Variants in FMN1 observed in about 807,000 individuals in gnomAD.
FMN1 encodes the protein formin 1.
Under a neutral mutation model 132.4 loss-of-function variants are expected in FMN1, and 110 were observed. That is an observed-to-expected ratio of 0.83 (90% CI 0.71 to 0.97). The LOEUF (loss-of-function observed/expected upper bound fraction) is 0.97. Among genes scored for constraint, FMN1 ranks in the 50% least tolerant of loss-of-function variants. The pLI, the probability that FMN1 is intolerant of heterozygous loss-of-function variation, is 0.00. For missense variants in FMN1, 1,792 were observed against 1,705.3 expected, an observed-to-expected ratio of 1.05 and a Z score of -0.90; for synonymous variants, 722 against 651.7, an observed-to-expected ratio of 1.11 and a Z score of -1.64.
intron 2 of FMN1, among the ~76,000 whole-genome samples, chr15:33,181,811 C>T (rs904368240): frequency 4.7e-5 from 7 of 148,386 alleles, no homozygotes; most frequent in African/African-American, 1.7e-4. Flanking sequence ...CAGGTTAAAG[C>T]GATTCTCCTT....
intron 17 of FMN1, chr15:32,810,935 C>T (rs1237638727): frequency 1.5e-5 from 7 of 455,506 alleles, no homozygotes; most frequent in Non-Finnish European, 2.2e-5. Context: ...AATATGGGAG[C>T]CGGGTGATGC....
At chr15:32,810,101 G>T (rs1410023487) in intron 17 of FMN1, among the ~76,000 whole-genome samples, 1 of 152,020 alleles carries the variant, frequency 6.6e-6, no homozygotes, top group Non-Finnish European at 1.5e-5. Context: ...ATCTTTAGTA[G>T]AGACAGGGTT....
At chr15:33,157,748 T>C (rs957200795) in intron 3 of FMN1, among the ~76,000 whole-genome samples, 3 of 152,104 alleles carry the variant, frequency 2.0e-5, no homozygotes, top group East Asian at 1.9e-4. Context: ...TCCCAGCACG[T>C]TGGGAGGCCA....
intron 4 of FMN1, among the ~76,000 whole-genome samples, chr15:33,101,847 T>C (rs962880825): frequency 3.3e-5 from 5 of 152,138 alleles, no homozygotes; most frequent in South Asian, 2.1e-4. Context: ...TTTCACATAT[T>C]CTTCTGAATC....
rs555963082 is a variant in FMN1, at chr15:32,769,120, T to C, written c.*5190A>G. On this transcript the variant is annotated 3_prime_UTR_variant, in exon 21 of 21. Coordinates refer to ENST00000616417, the MANE Select transcript of FMN1 (RefSeq NM_001277313.2). ...TTTGCTTCCCTAATCTCTCCATTGG[T>C]AGAAATTGCATAGTGGCTTAAGAGA... 6.6e-6 allele frequency: 1 copy of C among 152,330 alleles called. No homozygotes were observed. Among genetic ancestry groups the C allele is most frequent in the African/African-American group, 2.4e-5 (1 of 41,576 alleles). The allele number at this position is 152,330 out of a possible 1,614,324, so 9.4% of individuals were successfully genotyped here. A position where few individuals can be genotyped will look rare whatever the true frequency, so the allele number is the denominator to read the frequency against.
At chr15:32,933,975 TTAAAG>T (rs1417554898) in intron 9 of FMN1, among the ~76,000 whole-genome samples, 2 of 152,200 alleles carry the variant, frequency 1.3e-5, no homozygotes, top group Non-Finnish European at 2.9e-5. Flanking sequence ...CTATTTGCAT[TTAAAG>T]TAATTACTGA....
intron 15 of FMN1, among the ~76,000 whole-genome samples, chr15:32,894,321 C>G (rs2060102145): frequency 6.6e-6 from 1 of 151,822 alleles, no homozygotes; most frequent in Admixed American, 6.6e-5. Context: ...CCCGTTTCTG[C>G]TAAAAATACA....
intron 19 of FMN1, among the ~76,000 whole-genome samples, chr15:32,797,215 T>C (rs1468615203): frequency 1.3e-5 from 2 of 152,260 alleles, no homozygotes; most frequent in African/African-American, 2.4e-5. Flanking sequence ...AGAAGATCAT[T>C]AACATATAAA....
intron 6 of FMN1, among the ~76,000 whole-genome samples, chr15:33,041,260 T>C (rs1373126931): frequency 1.3e-5 from 2 of 151,996 alleles, no homozygotes; most frequent in East Asian, 3.9e-4. Flanking sequence ...TAGAAGAGTA[T>C]TAACCAGAAA....
chr15:33,071,948 CA>C (rs544851343), intron 5 of FMN1, among the ~76,000 whole-genome samples: 4 of 152,274 alleles, frequency 2.6e-5, no homozygotes, highest in African/African-American at 9.6e-5. Context: ...ACCTATTACA[CA>C]AAACCAGCAG....
At chr15:33,055,421 C>T (rs555533034) in intron 6 of FMN1, among the ~76,000 whole-genome samples, 4 of 152,232 alleles carry the variant, frequency 2.6e-5, no homozygotes, top group East Asian at 3.9e-4. Context: ...CCCTGATCAC[C>T]GTGGGTACAT....
chr15:32,857,439 C>A (rs2059161492), intron 16 of FMN1, among the ~76,000 whole-genome samples: 1 of 152,162 alleles, frequency 6.6e-6, no homozygotes, highest in African/African-American at 2.4e-5. Flanking sequence ...GAGGCAAAAA[C>A]TACTTGAGGA....
intron 17 of FMN1, among the ~76,000 whole-genome samples, chr15:32,847,573 G>C (rs1470189275): frequency 6.6e-6 from 1 of 152,022 alleles, no homozygotes; most frequent in Non-Finnish European, 1.5e-5. Context: ...TAAGAGTTAA[G>C]GCCGGGCGTG....
intron 7 of FMN1, among the ~76,000 whole-genome samples, chr15:32,971,902 G>C (rs77603737): frequency 1.3e-5 from 2 of 152,170 alleles, no homozygotes; most frequent in South Asian, 4.1e-4. Flanking sequence ...CTCTGTCAAC[G>C]ATCTTCTAAA....
At chr15:32,817,363 T>C (rs954289493) in intron 17 of FMN1, among the ~76,000 whole-genome samples, 32 of 152,256 alleles carry the variant, frequency 2.1e-4, no homozygotes, top group Admixed American at 2.0e-3. Flanking sequence ...TTCCCTAATA[T>C]TGGCTATTGC....
At chr15:32,812,529 T>A (rs1337739372) in intron 17 of FMN1, among the ~76,000 whole-genome samples, 1 of 152,190 alleles carries the variant, frequency 6.6e-6, no homozygotes, top group Non-Finnish European at 1.5e-5. Flanking sequence ...ATTTTATTCT[T>A]CCCTCAAGGA....
At chr15:33,027,162 A>G (rs1411219646) in intron 6 of FMN1, among the ~76,000 whole-genome samples, 1 of 152,196 alleles carries the variant, frequency 6.6e-6, no homozygotes, top group African/African-American at 2.4e-5. Context: ...CATCAAGAGT[A>G]CACAGGCCAG....
At chr15:32,789,714 C>A (rs2057003639) in intron 19 of FMN1, among the ~76,000 whole-genome samples, 1 of 151,872 alleles carries the variant, frequency 6.6e-6, no homozygotes, top group South Asian at 2.1e-4. Flanking sequence ...ACTGACTCAC[C>A]CAGAGCAATT....
rs772880877 is a variant in FMN1 at position 33,166,203 on chromosome 15, G to A, written c.-131-11158C>T. ...TAAAGGAGACAAGAAATTTCAAAGC[G>A]ACTTGCCCCTGGTCAAACAACTAGT... On this transcript the variant is annotated intron_variant, in intron 3 of 20. Coordinates refer to ENST00000616417, the MANE Select transcript of FMN1 (RefSeq NM_001277313.2). 9.2e-5 allele frequency among the ~76,000 whole-genome samples: 14 copies of A among 152,240 alleles called. No homozygotes were observed. In the East Asian group the frequency reaches 1.5e-3, roughly 17 times the overall value.
Sources: allele counts gnomAD v4.1 joint callset (sites outside exome capture counted in the v4.1 genomes callset), GRCh38; gene constraint gnomAD v4.1.1; transcripts MANE v1.5; gene names NCBI Gene and HGNC (gene_info 2026-07-23, HGNC 2026-07-21).